Variants in SLC25A16 observed in about 807,000 individuals in gnomAD.
The protein encoded by SLC25A16 is solute carrier family 25 member 16, also known as mitochondrial coenzyme A transporter SLC25A16.
Under a neutral mutation model 41.5 loss-of-function variants are expected in SLC25A16, and 39 were observed. The ratio of observed to expected loss-of-function variants is 0.94; its 90% CI spans 0.73 to 1.23. The LOEUF is 1.23. Ranked by LOEUF, SLC25A16 falls within the 50% of genes most tolerant of loss-of-function variation. The pLI is 0.00. For missense variants in SLC25A16, 421 were observed against 426.9 expected, an observed-to-expected ratio of 0.99 and a Z score of 0.12; for synonymous variants, 146 against 147.8, an observed-to-expected ratio of 0.99 and a Z score of 0.09.
At chr10:68,502,964 A>G (rs1216385781) in intron 4 of SLC25A16, among the ~76,000 whole-genome samples, 20 of 76,902 alleles carry the variant, frequency 2.6e-4, no homozygotes, top group South Asian at 1.1e-3. Context: ...AGGGGAGGGG[A>G]AAGGAGAGTG....
chr10:68,487,317 C>G, intron 7 of SLC25A16, 105 bp from the exon 8 acceptor site: 2 of 793,346 alleles, frequency 2.5e-6, no homozygotes, highest in Non-Finnish European at 2.1e-6. Context: ...TGTTACTGCT[C>G]TTATTGTTCT....
In SLC25A16 at chr10:68,500,660, A is replaced by G. The variant is rs1192359246; in HGVS notation, c.421+2972T>C. Reference sequence around the variant, plus strand: ...AGAACCTGATTATAGGACAGGCACCATGGCTCACACCTGTAATCCTAGCAC... The same window carrying G: ...AGAACCTGATTATAGGACAGGCACCGTGGCTCACACCTGTAATCCTAGCAC... On this transcript the variant is annotated intron_variant, in intron 4 of 8. Transcript: ENST00000609923. Among the ~76,000 whole-genome samples the G allele has an allele frequency of 3.3e-5, 5 of 149,280 alleles. No individual in the cohort carries two copies. In the East Asian group the frequency reaches 6.4e-4, roughly 19 times the overall value.
intron 2 of SLC25A16, among the ~76,000 whole-genome samples, chr10:68,515,636 T>TA (rs910130891): frequency 2.0e-5 from 3 of 151,326 alleles, no homozygotes; most frequent in African/African-American, 7.3e-5. Context: ...CCATCTCTAC[T>TA]AAAAATACAA....
At chr10:68,488,421 C>T (rs1181152797) in intron 7 of SLC25A16, 46 bp downstream of exon 7, 1 of 1,314,510 alleles carries the variant, frequency 7.6e-7, no homozygotes, top group South Asian at 1.8e-5. Context: ...AAAATCAGGA[C>T]TGGGTAACTA....
intron 4 of SLC25A16, chr10:68,499,528 C>A: frequency 4.8e-6 from 1 of 207,510 alleles, no homozygotes; most frequent in Non-Finnish European, 1.0e-5. Context: ...CAGGAGCAGC[C>A]AAAATGAAGT....
Position 68,487,373 on chromosome 10 carries a change from A to T in SLC25A16, c.774-161T>A, listed in dbSNP as rs112807115. On this transcript the variant is annotated intron_variant, in intron 7 of 8. Coordinates refer to ENST00000609923, the MANE Select transcript of SLC25A16 (RefSeq NM_152707.4). ...TATAGGCATATGAATAAAATCAATT[A>T]ACAATACAGAAGTCTTTGCTTATGT... 5.5e-3 allele frequency among the ~76,000 whole-genome samples: 832 copies of T among 152,328 alleles called. 11 individuals carry two copies. The highest frequency in any genetic ancestry group is 0.019 in the African/African-American group (784 of 41,582).
At chr10:68,504,484 G>A (rs2133551030) in intron 3 of SLC25A16, among the ~76,000 whole-genome samples, 1 of 150,366 alleles carries the variant, frequency 6.7e-6, no homozygotes, top group African/African-American at 2.4e-5. Context: ...CGCCCAGGCT[G>A]GAGTGCAGTG....
chr10:68,508,287 T>C (rs1564921982), intron 2 of SLC25A16, among the ~76,000 whole-genome samples: 2 of 149,730 alleles, frequency 1.3e-5, no homozygotes, highest in South Asian at 2.1e-4. Flanking sequence ...ATGACATATG[T>C]AAAAAGTAAA....
chr10:68,517,135 C>G, intron 1 of SLC25A16: 1 of 1,071,532 alleles, frequency 9.3e-7, no homozygotes, highest in Non-Finnish European at 1.1e-6. Flanking sequence ...ACAGACACTT[C>G]AAGGTATTAA....
At chr10:68,522,409 G>C (rs1006293873) in intron 1 of SLC25A16, among the ~76,000 whole-genome samples, 1 of 151,288 alleles carries the variant, frequency 6.6e-6, no homozygotes, top group Non-Finnish European at 1.5e-5. Context: ...GCCAGGCACA[G>C]TGGCTCATGC....
chr10:68,501,146 G>A (rs1008441517), intron 4 of SLC25A16, among the ~76,000 whole-genome samples: 1 of 151,640 alleles, frequency 6.6e-6, no homozygotes, highest in Non-Finnish European at 1.5e-5. Context: ...AGCTACTCGG[G>A]AAGCTGAGAC....
intron 4 of SLC25A16, among the ~76,000 whole-genome samples, chr10:68,502,775 GAAA>G (rs869281558): frequency 5.5e-5 from 3 of 54,676 alleles, no homozygotes; most frequent in Non-Finnish European, 7.1e-5. Context: ...GAGGGGAGAA[GAAA>G]AGAGGGGAGG....
At chr10:68,527,188 C>T in intron 1 of SLC25A16, 58 bp downstream of exon 1, 1 of 1,515,886 alleles carries the variant, frequency 6.6e-7, no homozygotes, top group Non-Finnish European at 8.8e-7. Context: ...ATCCCACTTG[C>T]CCACAGTCCT....
chr10:68,480,490 C>CTTTTTTTTTTTTTTTTTTT lies in SLC25A16; in HGVS notation c.*2923_*2941dup. 1.4e-5 allele frequency: 1 copy of CTTTTTTTTTTTTTTTTTTT among 69,486 alleles called. No individual in the cohort carries two copies. Among genetic ancestry groups the CTTTTTTTTTTTTTTTTTTT allele is most frequent in the Non-Finnish European group, 2.6e-5 (1 of 38,502 alleles). 4.3% of individuals were successfully genotyped at this position (69,486 alleles called of 1,614,324 possible). A position where few individuals can be genotyped will look rare whatever the true frequency, so the allele number is the denominator to read the frequency against. On this transcript the variant is annotated 3_prime_UTR_variant, in exon 9 of 9. Transcript: ENST00000609923. The stretch of plus-strand genomic sequence containing the variant: ...TTTACTGATAACCTAACTGAGGTAT[C>CTTTTTTTTTTTTTTTTTTT]TTTTTTTTTTTTTTTTTTTTTTTTG...
rs1270671163 is a variant in SLC25A16 at position 68,479,798 on chromosome 10, A to C, written c.*3634T>G. The C allele has an allele frequency of 6.8e-6, 1 of 146,806 alleles. No individual in the cohort carries two copies. The highest frequency in any genetic ancestry group is 1.5e-5 in the Non-Finnish European group (1 of 67,146). 9.1% of individuals were successfully genotyped at this position (146,806 alleles called of 1,614,324 possible). ...CAGCCTGGGCACTCCAGCCTGGGCA[A>C]CAGAGTGAGGCTCTGTCTCAAAAAA... On this transcript the variant is annotated 3_prime_UTR_variant, in exon 9 of 9. Coordinates refer to ENST00000609923, the MANE Select transcript of SLC25A16 (RefSeq NM_152707.4).
chr10:68,489,447 A>G (rs1432220756), intron 6 of SLC25A16, among the ~76,000 whole-genome samples: 2 of 150,904 alleles, frequency 1.3e-5, no homozygotes, highest in Non-Finnish European at 2.9e-5. Flanking sequence ...AGAATCTGAT[A>G]AAAATAGTAT....
chr10:68,525,170 C>A (rs1228206236), intron 1 of SLC25A16, among the ~76,000 whole-genome samples: 1 of 152,058 alleles, frequency 6.6e-6, no homozygotes, highest in Non-Finnish European at 1.5e-5. Context: ...GATGGAGTGT[C>A]TCTGTCACCC....
At chr10:68,516,895 A>G in intron 1 of SLC25A16, 52 bp from the exon 2 acceptor site, 1 of 1,391,014 alleles carries the variant, frequency 7.2e-7, no homozygotes, top group South Asian at 1.2e-5. Context: ...TTCTTTCCAG[A>G]TGGAAATCAT....
At chr10:68,496,901 C>T (rs2052757956) in intron 4 of SLC25A16, 1 of 158,594 alleles carries the variant, frequency 6.3e-6, no homozygotes, top group African/African-American at 2.4e-5. Flanking sequence ...GCCTCAAACT[C>T]CTGGGCTCAA....
Sources: allele counts gnomAD v4.1 joint callset (sites outside exome capture counted in the v4.1 genomes callset), GRCh38; gene constraint gnomAD v4.1.1; transcripts MANE v1.5; gene names NCBI Gene and HGNC (gene_info 2026-07-23, HGNC 2026-07-21).